CCSER1: variants seen among roughly 807,000 people sequenced by gnomAD.
The protein encoded by CCSER1 is coiled-coil serine rich protein 1.
A neutral mutation model predicts 82.0 loss-of-function variants in CCSER1; 41 were observed. The ratio of observed to expected loss-of-function variants is 0.50; its 90% confidence interval spans 0.39 to 0.65. The LOEUF (loss-of-function observed/expected upper bound fraction) is 0.65. Among genes scored for constraint, CCSER1 ranks in the 30% least tolerant of loss-of-function variants. The pLI, the probability that CCSER1 is intolerant of heterozygous loss-of-function variation, is 0.00. For synonymous variants in CCSER1, 414 were observed against 383.9 expected (o/e 1.08, Z -0.92); for missense variants, 1,119 against 1,064.2 (o/e 1.05, Z -0.72).
intron 10 of CCSER1, among the ~76,000 whole-genome samples, chr4:91,156,049 ATG>A (rs1730783878): frequency 6.6e-6 from 1 of 151,846 alleles, no homozygotes; most frequent in Non-Finnish European, 1.5e-5. Flanking sequence ...GGATGAGTGA[ATG>A]TAATATCTGA....
intron 5 of CCSER1, among the ~76,000 whole-genome samples, chr4:90,558,882 CTG>C (rs1443262562): frequency 1.3e-5 from 2 of 152,144 alleles, no homozygotes; most frequent in Non-Finnish European, 2.9e-5. Flanking sequence ...GAATCTGAAT[CTG>C]TGAATTATGA....
intron 1 of CCSER1, among the ~76,000 whole-genome samples, chr4:90,129,965 T>G (rs1360562549): frequency 6.6e-6 from 1 of 152,212 alleles, no homozygotes; most frequent in Non-Finnish European, 1.5e-5. Context: ...ATTGCAATCA[T>G]TAAAAGTCCT....
chr4:90,627,919 A>G, intron 5 of CCSER1, 106 bp from the exon 6 acceptor site: 2 of 802,996 alleles, frequency 2.5e-6, no homozygotes, highest in South Asian at 1.6e-5. Context: ...AAATGAGGAC[A>G]CAAGAAATAC....
At chr4:90,340,360 G>A (rs1339736884) in intron 3 of CCSER1, among the ~76,000 whole-genome samples, 3 of 152,040 alleles carry the variant, frequency 2.0e-5, no homozygotes, top group Non-Finnish European at 4.4e-5. Flanking sequence ...TGACTTCTTT[G>A]TTCTTTCATA....
At chr4:90,915,436 C>G (rs888975876) in intron 8 of CCSER1, among the ~76,000 whole-genome samples, 2 of 152,112 alleles carry the variant, frequency 1.3e-5, no homozygotes, top group African/African-American at 4.8e-5. Flanking sequence ...TCAATAGATG[C>G]AGAAAAGGCC....
At chr4:90,551,506 T>C (rs1201937995) in intron 5 of CCSER1, among the ~76,000 whole-genome samples, 1 of 151,756 alleles carries the variant, frequency 6.6e-6, no homozygotes, top group African/African-American at 2.4e-5. Flanking sequence ...CCTAAGCATT[T>C]TTCATGTCTC....
intron 1 of CCSER1, among the ~76,000 whole-genome samples, chr4:90,229,903 T>A (rs907854656): frequency 6.6e-5 from 10 of 152,114 alleles, no homozygotes; most frequent in Non-Finnish European, 8.8e-5. Context: ...AAGGGATCAA[T>A]TCAACAAGAA....
chr4:90,884,662 A>G (rs1402995409), intron 8 of CCSER1, among the ~76,000 whole-genome samples: 1 of 152,140 alleles, frequency 6.6e-6, no homozygotes, highest in African/African-American at 2.4e-5. Flanking sequence ...TATCTATTTT[A>G]AAATGTGTTT....
chr4:91,420,144 T>C (rs996129898), intron 10 of CCSER1, among the ~76,000 whole-genome samples: 1 of 152,004 alleles, frequency 6.6e-6, no homozygotes, highest in Non-Finnish European at 1.5e-5. Flanking sequence ...GTCTTGGCAA[T>C]GGTTTCTTGG....
chr4:91,519,396 T>G (rs1312753057), intron 10 of CCSER1, among the ~76,000 whole-genome samples: 2 of 152,204 alleles, frequency 1.3e-5, no homozygotes, highest in Admixed American at 6.5e-5. Flanking sequence ...CAGTGAGGGT[T>G]GGCTGGTGTC....
chr4:90,895,871 T>C (rs1007313360), intron 8 of CCSER1, among the ~76,000 whole-genome samples: 16 of 151,872 alleles, frequency 1.1e-4, no homozygotes, highest in African/African-American at 3.9e-4. Flanking sequence ...TTCAAACATA[T>C]GTTGAATTTA....
chr4:90,876,844 G>C (rs746894910), intron 8 of CCSER1, among the ~76,000 whole-genome samples: 1 of 151,950 alleles, frequency 6.6e-6, no homozygotes, highest in African/African-American at 2.4e-5. Context: ...CTTTATTGAT[G>C]TATCTATAAA....
At chr4:90,362,608 A>G (rs1322349470) in intron 3 of CCSER1, among the ~76,000 whole-genome samples, 1 of 152,190 alleles carries the variant, frequency 6.6e-6, no homozygotes. Flanking sequence ...AATTAGTTAG[A>G]AAAGAGTCCT....
intron 9 of CCSER1, among the ~76,000 whole-genome samples, chr4:91,008,761 G>A (rs1331657627): frequency 6.6e-6 from 1 of 152,192 alleles, no homozygotes; most frequent in Non-Finnish European, 1.5e-5. Flanking sequence ...CTTGCTCCCA[G>A]AGCTCCCAAG....
chr4:90,453,927 A>G (rs1240356606), intron 4 of CCSER1, among the ~76,000 whole-genome samples: 1 of 152,128 alleles, frequency 6.6e-6, no homozygotes, highest in Non-Finnish European at 1.5e-5. Flanking sequence ...CTGGAATGTA[A>G]TGGTGGTCTG....
At chr4:90,995,229 G>A (rs1235658085) in intron 9 of CCSER1, among the ~76,000 whole-genome samples, 3 of 152,132 alleles carry the variant, frequency 2.0e-5, no homozygotes, top group Non-Finnish European at 2.9e-5. Context: ...CATTCTGGAT[G>A]CCTGCTTCTA....
Position 90,403,271 on chromosome 4 carries a change from G to A in CCSER1, c.1603+3142G>A, listed in dbSNP as rs553061926. Among the ~76,000 whole-genome samples, 11 of 151,872 alleles carry A rather than the reference G, an allele frequency of 7.2e-5. No homozygotes were observed. In the East Asian group the frequency reaches 1.4e-3, roughly 19 times the overall value. On this transcript the variant is annotated intron_variant, in intron 4 of 10. Coordinates refer to ENST00000509176, the MANE Select transcript of CCSER1 (RefSeq NM_001145065.2). The stretch of plus-strand genomic sequence containing the variant: ...TCCCAGCACTTTGGGAGGCTGAGGC[G>A]GGTGGATCACGAGGTCAGGAGATCG...
At chr4:90,892,527 C>T (rs1157974373) in intron 8 of CCSER1, among the ~76,000 whole-genome samples, 4 of 151,894 alleles carry the variant, frequency 2.6e-5, no homozygotes, top group South Asian at 2.1e-4. Flanking sequence ...ACATACAGCA[C>T]ATTGTTGGAT....
chr4:90,432,158 G>A (rs62312942), intron 4 of CCSER1, among the ~76,000 whole-genome samples: 8,152 of 152,186 alleles, frequency 0.054, 277 homozygotes, highest in African/African-American at 0.087. Flanking sequence ...GAGTCATTAT[G>A]CAAAGTCTTA....
Sources: allele counts gnomAD v4.1 joint callset (sites outside exome capture counted in the v4.1 genomes callset), GRCh38; gene constraint gnomAD v4.1.1; transcripts MANE v1.5; gene names NCBI Gene and HGNC (gene_info 2026-07-23, HGNC 2026-07-21).